ATF7IP2: variants seen among roughly 807,000 people sequenced by gnomAD.
ATF7IP2 encodes the protein activating transcription factor 7-interacting protein 2.
A neutral mutation model predicts 64.2 loss-of-function variants in ATF7IP2; 42 were observed. The ratio of observed to expected loss-of-function variants is 0.65; its 90% CI spans 0.51 to 0.85. ATF7IP2 has a LOEUF of 0.85. Among genes scored for constraint, ATF7IP2 ranks in the 40% least tolerant of loss-of-function variants. The pLI is 0.00. For missense variants in ATF7IP2, 933 were observed against 784.2 expected, an observed-to-expected ratio of 1.19 and a Z score of -2.27; for synonymous variants, 308 against 272.8, an observed-to-expected ratio of 1.13 and a Z score of -1.27.
At chr16:10,479,169 A>G (rs1216276850) in intron 12 of ATF7IP2, among the ~76,000 whole-genome samples, 9 of 150,596 alleles carry the variant, frequency 6.0e-5, no homozygotes, top group Admixed American at 5.3e-4. Context: ...CCAAAGGACT[A>G]TAAATCATGC....
intron 5 of ATF7IP2, 63 bp downstream of exon 5, chr16:10,431,518 T>C (rs936419736): frequency 8.7e-7 from 1 of 1,152,586 alleles, no homozygotes; most frequent in Admixed American, 2.4e-5. Context: ...TAGGGTATTT[T>C]AAAGTCTCAA....
intron 2 of ATF7IP2, 84 bp from the exon 3 acceptor site, chr16:10,419,497 A>G (rs2047949126): frequency 6.5e-6 from 1 of 153,272 alleles, no homozygotes; most frequent in Admixed American, 6.5e-5. Flanking sequence ...CCCTTGCTAA[A>G]GGAATACTCA....
chr16:10,472,469 C>T (rs1048418166), intron 10 of ATF7IP2, among the ~76,000 whole-genome samples: 6 of 151,714 alleles, frequency 4.0e-5, no homozygotes, highest in Admixed American at 6.6e-5. Flanking sequence ...TAATGGTTTG[C>T]CCTGGCCTTT....
chr16:10,473,975 C>G lies in ATF7IP2; in HGVS notation c.1535C>G (p.Ser512Cys). The change falls in exon 12 of 14, where the codon TCC becomes TGC. Residue 512 changes from serine to cysteine, a missense_variant. Physicochemically the swap from Ser to Cys is moderately radical, Grantham distance 112. Coordinates refer to ENST00000562102, the MANE Select transcript of ATF7IP2 (RefSeq NM_001393719.1). ...SIIDLTKEGLSNCNTESPVSP... is the reference protein window; with the variant it reads ...SIIDLTKEGLCNCNTESPVSP... ...ATTGATTTGACAAAAGAAGGCCTATCCAACTGCAATACAGGTAAAAGGATT... is the reference window on the plus strand; with the variant it reads ...ATTGATTTGACAAAAGAAGGCCTATGCAACTGCAATACAGGTAAAAGGATT... 1 of 1,593,932 alleles carries G rather than the reference C, an allele frequency of 6.3e-7. No homozygotes were observed. Among genetic ancestry groups the G allele is most frequent in the Non-Finnish European group, 8.6e-7 (1 of 1,167,398 alleles).
At chr16:10,423,510 G>C (rs928268908) in intron 3 of ATF7IP2, among the ~76,000 whole-genome samples, 1 of 152,210 alleles carries the variant, frequency 6.6e-6, no homozygotes, top group African/African-American at 2.4e-5. Flanking sequence ...CTAGCTTGCT[G>C]AATTCCTGCC....
At chr16:10,425,629 C>A (rs55868393) in intron 3 of ATF7IP2, among the ~76,000 whole-genome samples, 4 of 152,138 alleles carry the variant, frequency 2.6e-5, no homozygotes, top group African/African-American at 9.6e-5. Flanking sequence ...TGTGGTGGCT[C>A]ACATCTGTAA....
intron 9 of ATF7IP2, among the ~76,000 whole-genome samples, chr16:10,461,668 A>T (rs944250941): frequency 2.0e-5 from 3 of 152,178 alleles, no homozygotes; most frequent in African/African-American, 7.2e-5. Flanking sequence ...TCTAAGCTGG[A>T]TAGTAAATCT....
intron 7 of ATF7IP2, among the ~76,000 whole-genome samples, chr16:10,439,081 T>C (rs924195105): frequency 1.3e-5 from 2 of 151,754 alleles, no homozygotes; most frequent in African/African-American, 4.8e-5. Context: ...GCAGTTTCTT[T>C]TAAACCTAAA....
At chr16:10,426,606 G>A (rs1267187782) in intron 3 of ATF7IP2, among the ~76,000 whole-genome samples, 1 of 152,094 alleles carries the variant, frequency 6.6e-6, no homozygotes, top group Non-Finnish European at 1.5e-5. Flanking sequence ...GCACAGCCAT[G>A]GTATAGCACC....
intron 9 of ATF7IP2, 120 bp from the exon 10 acceptor site, chr16:10,471,990 C>A (rs930309188): frequency 8.7e-6 from 4 of 459,812 alleles, no homozygotes; most frequent in Non-Finnish European, 1.5e-5. Context: ...TTTCCCCCCA[C>A]GATTGTTCAA....
chr16:10,412,359 G>A (rs1253458089), intron 1 of ATF7IP2, among the ~76,000 whole-genome samples: 1 of 151,972 alleles, frequency 6.6e-6, no homozygotes, highest in African/African-American at 2.4e-5. Flanking sequence ...TATCCCAGAA[G>A]TTTTATAGGT....
At chr16:10,474,168 T>A (rs1433263136) in intron 12 of ATF7IP2, among the ~76,000 whole-genome samples, 179 bp downstream of exon 12, 1 of 152,206 alleles carries the variant, frequency 6.6e-6, no homozygotes, top group East Asian at 1.9e-4. Context: ...CAAAGCTCCT[T>A]CATGCTACCC....
At chr16:10,474,093 C>T (rs1333870995) in intron 12 of ATF7IP2, 104 bp downstream of exon 12, 1 of 735,916 alleles carries the variant, frequency 1.4e-6, no homozygotes, top group Non-Finnish European at 2.3e-6. Flanking sequence ...TGTGAGTGTG[C>T]CTATGTTTAT....
At chr16:10,468,880 A>G (rs1014822463) in intron 9 of ATF7IP2, among the ~76,000 whole-genome samples, 12 of 152,224 alleles carry the variant, frequency 7.9e-5, no homozygotes, top group Admixed American at 1.3e-4. Flanking sequence ...ATTTATAATC[A>G]GAAGTAACAG....
At chr16:10,462,358 A>T (rs572391850) in intron 9 of ATF7IP2, among the ~76,000 whole-genome samples, 1 of 151,646 alleles carries the variant, frequency 6.6e-6, no homozygotes, top group Non-Finnish European at 1.5e-5. Flanking sequence ...CCACAAGAAG[A>T]TCTCCATTTA....
rs527608828 is a variant in ATF7IP2, at chr16:10,474,092, G to A, written c.1549+103G>A. On this transcript the variant is annotated intron_variant, in intron 12 of 13. Transcript: ENST00000562102. ...GAAGTTTGTTTTAATATGTGAGTGT[G>A]CCTATGTTTATATCTCTGTGCAGTT... is the stretch of plus-strand genomic sequence containing the variant. 497 of 743,046 alleles carry A rather than the reference G, an allele frequency of 6.7e-4. 2 individuals carry two copies. The African/African-American group carries it at 8.3e-3, about 12-fold the overall frequency. The allele number at this position is 743,046 out of a possible 1,614,324, so 46.0% of individuals were successfully genotyped here. A position where few individuals can be genotyped will look rare whatever the true frequency, so the allele number is the denominator to read the frequency against.
intron 4 of ATF7IP2, 93 bp downstream of exon 4, chr16:10,429,109 A>G (rs899801882): frequency 6.6e-5 from 10 of 152,198 alleles, no homozygotes; most frequent in Non-Finnish European, 1.5e-4. Context: ...TCTTCAGGCA[A>G]AGCTGCTAAT....
In ATF7IP2 at chr16:10,399,906, T is replaced by C. The variant is rs994452297; in HGVS notation, c.-242+13784T>C. Among the ~76,000 whole-genome samples the C allele has an allele frequency of 6.4e-4, 97 of 152,346 alleles. 1 individual carries two copies. Among genetic ancestry groups the C allele is most frequent in the African/African-American group, 2.1e-3 (87 of 41,582 alleles). On this transcript the variant is annotated intron_variant, in intron 1 of 13. Transcript: ENST00000562102. ...CTTGTATAGGAGGTCTTTGACCTCC[T>C]TGGTTAAAAATATTCCTGAGTATTT...
At chr16:10,419,083 T>A (rs1170971247) in intron 2 of ATF7IP2, among the ~76,000 whole-genome samples, 1 of 152,222 alleles carries the variant, frequency 6.6e-6, no homozygotes, top group Admixed American at 6.5e-5. Context: ...GTACGTTCAT[T>A]TTTTCGGGCC....
Sources: gnomAD v4.1 joint callset for allele counts (sites outside exome capture counted in the v4.1 genomes callset) on GRCh38, gnomAD v4.1.1 for gene constraint, MANE v1.5 for transcripts, NCBI Gene and HGNC (gene_info 2026-07-23, HGNC 2026-07-21) for gene names.